Variants in DDX60 observed in about 807,000 individuals in gnomAD.
DDX60 encodes the protein DExD/H-box helicase 60, also known as probable ATP-dependent RNA helicase DDX60.
In DDX60, 165 loss-of-function variants were observed where a neutral mutation model predicts 212.8. The observed-to-expected ratio is 0.78, with a 90% CI of 0.68 to 0.88. The LOEUF (loss-of-function observed/expected upper bound fraction) is 0.88, where lower values mean the gene tolerates loss of function less well. Among genes scored for constraint, DDX60 ranks in the 40% least tolerant of loss-of-function variants. DDX60 has a pLI of 0.00. For synonymous variants in DDX60, 703 were observed against 685.3 expected, an observed-to-expected ratio of 1.03 and a Z score of -0.40; for missense variants, 1,905 against 2,003.9, an observed-to-expected ratio of 0.95 and a Z score of 0.94.
In DDX60 at chr4:168,288,174, CT is replaced by C; in HGVS notation, c.1182del (p.Gly395AlafsTer4). 1 of 1,473,116 alleles carries C rather than the reference CT, an allele frequency of 6.8e-7. No individual in the cohort carries two copies. The highest frequency in any genetic ancestry group is 9.2e-7 in the Non-Finnish European group (1 of 1,083,086). 91.3% of individuals were successfully genotyped at this position (1,473,116 alleles called of 1,614,324 possible). The stretch of plus-strand genomic sequence containing the variant: ...TGATTATAATATACTGAGATGGTAC[CT>C]TTTACATTTTCATTTTCATAGTAAA... ...IAFYYENENV[K>X]GLHLNLGDTI... is the part of the protein sequence containing the mutation. On this transcript the variant is annotated frameshift_variant and splice_region_variant, in exon 9 of 38. Transcript: ENST00000393743. LOFTEE classifies it high-confidence loss of function.
At chr4:168,311,985 A>T (rs929218597) in intron 1 of DDX60, among the ~76,000 whole-genome samples, 1 of 152,182 alleles carries the variant, frequency 6.6e-6, no homozygotes, top group Non-Finnish European at 1.5e-5. Flanking sequence ...GAGCAGAAAG[A>T]AAGTTACTGT....
chr4:168,217,147 AG>A lies in DDX60; in HGVS notation c.5040-116del, dbSNP rs1360421570. On this transcript the variant is annotated intron_variant, in intron 37 of 37. Transcript: ENST00000393743. ...TCCCATCAGATGATGAAATTATGTT[AG>A]CAAAATATGAGGAATAATGATAAGA... The A allele has an allele frequency of 4.7e-6, 3 of 632,686 alleles. No homozygotes were observed. The African/African-American group carries it at 5.8e-5, about 12-fold the overall frequency. The allele number at this position is 632,686 out of a possible 1,614,324, so 39.2% of individuals were successfully genotyped here. A position where few individuals can be genotyped will look rare whatever the true frequency, so the allele number is the denominator to read the frequency against.
At chr4:168,233,447 T>C (rs1011563641) in intron 33 of DDX60, among the ~76,000 whole-genome samples, 1 of 152,056 alleles carries the variant, frequency 6.6e-6, no homozygotes, top group Non-Finnish European at 1.5e-5. Flanking sequence ...TACAAAAATA[T>C]GGAACCAGCC....
intron 3 of DDX60, among the ~76,000 whole-genome samples, chr4:168,309,490 A>G (rs1371665993): frequency 6.6e-6 from 1 of 151,828 alleles, no homozygotes; most frequent in African/African-American, 2.4e-5. Flanking sequence ...AAAATCTTGC[A>G]TTTTTTGTGA....
At chr4:168,245,214 T>C (rs1578993078) in intron 30 of DDX60, among the ~76,000 whole-genome samples, 1 of 152,004 alleles carries the variant, frequency 6.6e-6, no homozygotes, top group Non-Finnish European at 1.5e-5. Flanking sequence ...AAATAAAACA[T>C]TTGAAATAGA....
intron 1 of DDX60, among the ~76,000 whole-genome samples, chr4:168,316,242 G>C (rs1304680902): frequency 6.6e-6 from 1 of 152,144 alleles, no homozygotes; most frequent in Non-Finnish European, 1.5e-5. Flanking sequence ...TCTTAGCCTA[G>C]CAATTCCTAG....
intron 36 of DDX60, among the ~76,000 whole-genome samples, chr4:168,221,173 C>A (rs17611151): frequency 0.058 from 8,781 of 152,106 alleles, 438 homozygotes; most frequent in East Asian, 0.15. Context: ...ATGTAAAAAA[C>A]AAAATTGGTT....
intron 30 of DDX60, among the ~76,000 whole-genome samples, chr4:168,238,720 A>G (rs1157507168): frequency 6.6e-6 from 1 of 152,148 alleles, no homozygotes; most frequent in Non-Finnish European, 1.5e-5. Context: ...GTGGTTCACT[A>G]TAACCACAGA....
At chr4:168,226,800 C>A (rs114765207) in intron 33 of DDX60, among the ~76,000 whole-genome samples, 1 of 152,076 alleles carries the variant, frequency 6.6e-6, no homozygotes, top group Admixed American at 6.6e-5. Context: ...ACACTTCACA[C>A]GTTCTCACTA....
At chr4:168,223,265 T>G (rs947957803) in intron 35 of DDX60, among the ~76,000 whole-genome samples, 2 of 152,062 alleles carry the variant, frequency 1.3e-5, no homozygotes, top group Non-Finnish European at 2.9e-5. Flanking sequence ...TATTTGTATG[T>G]ACGCTTAGCA....
chr4:168,283,150 GAAC>G (rs1194566202), intron 13 of DDX60, among the ~76,000 whole-genome samples: 11 of 152,138 alleles, frequency 7.2e-5, no homozygotes, highest in Non-Finnish European at 1.6e-4. Context: ...TGTCATTAAT[GAAC>G]AACTATATTT....
Position 168,217,123 on chromosome 4 carries a change from C to T in DDX60, c.5040-91G>A, listed in dbSNP as rs1047259749. 3.4e-5 allele frequency: 25 copies of T among 744,112 alleles called. No individual in the cohort carries two copies. The East Asian group carries it at 6.9e-4, about 21-fold the overall frequency. The allele number at this position is 744,112 out of a possible 1,614,324, so 46.1% of individuals were successfully genotyped here. ...CTTGGTTAGGCAGAAGTAAGGAAAT[C>T]CCATCAGATGATGAAATTATGTTAG... is the stretch of plus-strand genomic sequence containing the variant. On this transcript the variant is annotated intron_variant, in intron 37 of 37. Transcript: ENST00000393743.
At chr4:168,282,722 G>GATA (rs1735647827) in intron 13 of DDX60, among the ~76,000 whole-genome samples, 1 of 152,044 alleles carries the variant, frequency 6.6e-6, no homozygotes, top group African/African-American at 2.4e-5. Context: ...AACCATTTAT[G>GATA]ACCTGCCTCT....
intron 33 of DDX60, among the ~76,000 whole-genome samples, chr4:168,229,372 C>T (rs924064933): frequency 5.3e-5 from 8 of 152,082 alleles, no homozygotes; most frequent in South Asian, 2.1e-4. Flanking sequence ...CCAGAAAAGC[C>T]GTTTCTGACT....
intron 22 of DDX60, among the ~76,000 whole-genome samples, chr4:168,263,265 C>A (rs1734700018): frequency 1.3e-5 from 2 of 152,126 alleles, no homozygotes; most frequent in Admixed American, 1.3e-4. Context: ...GCTCTTAAAC[C>A]ACCTTCAAGA....
chr4:168,236,508 A>G (rs1733636446), intron 32 of DDX60, 135 bp from the exon 33 acceptor site: 2 of 726,476 alleles, frequency 2.8e-6, no homozygotes, highest in Non-Finnish European at 4.3e-6. Context: ...TTGAAGAATT[A>G]CCATATATCC....
At chr4:168,285,212 T>C (rs957714041) in intron 11 of DDX60, among the ~76,000 whole-genome samples, 181 bp downstream of exon 11, 3 of 152,232 alleles carry the variant, frequency 2.0e-5, no homozygotes, top group Non-Finnish European at 4.4e-5. Context: ...TTAAAAACTA[T>C]ACAGATTTTT....
intron 6 of DDX60, among the ~76,000 whole-genome samples, chr4:168,295,048 C>A (rs924539374): frequency 2.6e-5 from 4 of 152,022 alleles, no homozygotes; most frequent in Admixed American, 2.6e-4. Flanking sequence ...TCACATCTGT[C>A]AGAAGGGCTT....
chr4:168,273,569 G>A (rs1735195285), intron 17 of DDX60, among the ~76,000 whole-genome samples, 171 bp from the exon 18 acceptor site: 1 of 152,138 alleles, frequency 6.6e-6, no homozygotes, highest in South Asian at 2.1e-4. Flanking sequence ...TGAGATAGTT[G>A]ACTCAGCACA....
Sources: allele counts gnomAD v4.1 joint callset (sites outside exome capture counted in the v4.1 genomes callset), GRCh38; gene constraint gnomAD v4.1.1; transcripts MANE v1.5; gene names NCBI Gene and HGNC (gene_info 2026-07-23, HGNC 2026-07-21).